The following MTR variants were observed in gnomAD, a reference collection of about 807,000 sequenced individuals.
MTR encodes the protein 5-methyltetrahydrofolate-homocysteine methyltransferase.
MTR carries 84 observed loss-of-function variants against 154.8 expected under a neutral mutation model. The observed-to-expected ratio is 0.54, with a 90% CI of 0.45 to 0.65. The LOEUF (loss-of-function observed/expected upper bound fraction) is 0.65, where lower values mean the gene tolerates loss of function less well. Among genes scored for constraint, MTR ranks in the 30% least tolerant of loss-of-function variants. The pLI, the probability that MTR is intolerant of heterozygous loss-of-function variation, is 0.00. For missense variants in MTR, 1,275 were observed against 1,570.2 expected (o/e 0.81, Z 3.18); for synonymous variants, 554 against 553.9 (o/e 1.00, Z 0.00).
chr1:236,797,721 G>A (rs1297945495), intron 1 of MTR, among the ~76,000 whole-genome samples: 1 of 152,146 alleles, frequency 6.6e-6, no homozygotes, highest in Non-Finnish European at 1.5e-5. Flanking sequence ...CACTTTGGGA[G>A]GCCGAGGCGT....
intron 22 of MTR, among the ~76,000 whole-genome samples, chr1:236,867,450 T>A (rs998934123): frequency 6.6e-6 from 1 of 152,164 alleles, no homozygotes; most frequent in Non-Finnish European, 1.5e-5. Context: ...TCACAAGAAT[T>A]CTGATAGAGA....
At chr1:236,888,659 G>A (rs1184991996) in intron 27 of MTR, among the ~76,000 whole-genome samples, 1 of 152,160 alleles carries the variant, frequency 6.6e-6, no homozygotes, top group Admixed American at 6.5e-5. Context: ...AGTATGTATC[G>A]GAAGTCCCAC....
chr1:236,901,432 A>C lies in MTR; in HGVS notation c.*3788A>C, dbSNP rs184684509. 1.0e-3 allele frequency: 152 copies of C among 151,510 alleles called. No individual in the cohort carries two copies. The highest frequency in any genetic ancestry group is 3.6e-3 in the African/African-American group (147 of 40,820). The allele number at this position is 151,510 out of a possible 1,614,324, so 9.4% of individuals were successfully genotyped here. A position where few individuals can be genotyped will look rare whatever the true frequency, so the allele number is the denominator to read the frequency against. On this transcript the variant is annotated 3_prime_UTR_variant, in exon 33 of 33. Transcript: ENST00000366577. ...AAGTACAGAGGGTTGCAGATAGTGC[A>C]GAAGTCTTTAAAAACAATTATTTTA...
intron 31 of MTR, among the ~76,000 whole-genome samples, chr1:236,896,753 A>G (rs1169207199): frequency 1.1e-4 from 16 of 152,008 alleles, no homozygotes; most frequent in African/African-American, 3.9e-4. Flanking sequence ...TGGAGGTGGG[A>G]GTGTAGAGTC....
chr1:236,805,825 C>G (rs1472786751), intron 2 of MTR, among the ~76,000 whole-genome samples: 1 of 152,156 alleles, frequency 6.6e-6, no homozygotes, highest in Admixed American at 6.5e-5. Context: ...TAGCATATAG[C>G]TACCCTGTGA....
chr1:236,846,334 A>G (rs958028626), intron 15 of MTR, among the ~76,000 whole-genome samples: 1 of 152,198 alleles, frequency 6.6e-6, no homozygotes, highest in Non-Finnish European at 1.5e-5. Context: ...ATGACTTTGT[A>G]TGACAATTTT....
intron 22 of MTR, among the ~76,000 whole-genome samples, chr1:236,865,317 C>T (rs149423410): frequency 6.6e-6 from 1 of 152,314 alleles, no homozygotes; most frequent in African/African-American, 2.4e-5. Context: ...GTCAAACACT[C>T]CTTTGGCTTG....
chr1:236,799,005 A>G (rs1329635556), intron 1 of MTR, among the ~76,000 whole-genome samples: 1 of 152,252 alleles, frequency 6.6e-6, no homozygotes, highest in Non-Finnish European at 1.5e-5. Flanking sequence ...GGCTAAAAAT[A>G]GTGAACACTT....
At chr1:236,889,971 C>T (rs1265975496) in intron 28 of MTR, among the ~76,000 whole-genome samples, 1 of 152,044 alleles carries the variant, frequency 6.6e-6, no homozygotes, top group Admixed American at 6.6e-5. Context: ...ACTACCCCCA[C>T]TTCTCACTTC....
In MTR at chr1:236,812,797, G is replaced by T. The variant is rs1351279070; in HGVS notation, c.562G>T (p.Val188Phe). The T allele has an allele frequency of 5.0e-6, 8 of 1,614,134 alleles. No individual in the cohort carries two copies. Among genetic ancestry groups the T allele is most frequent in the Non-Finnish European group, 6.8e-6 (8 of 1,179,998 alleles). Residue 188 changes from valine to phenylalanine, a missense_variant, in exon 6 of 33, where the codon GTT becomes TTT. Coordinates refer to ENST00000366577, the MANE Select transcript of MTR (RefSeq NM_000254.3). ...GGCCAAAGGACTTCTGGATGGCGGG[G>T]TTGATATCTTACTCATTGAAACTAT... is the stretch of plus-strand genomic sequence containing the variant. Reference protein sequence around the residue: ...EQAKGLLDGGVDILLIETIFD... With the variant: ...EQAKGLLDGGFDILLIETIFD...
rs776861403 is a variant in MTR, at chr1:236,895,328, C to G, written c.3406-30C>G. ...TGATGCTGTGAGCCCCTGCGTCTGC[C>G]TAAGCATGCCTGCTGCTTTGGGTCC... On this transcript the variant is annotated intron_variant, in intron 30 of 32. Transcript: ENST00000366577. 1.7e-5 allele frequency: 26 copies of G among 1,572,340 alleles called. 1 individual carries two copies. In the South Asian group the frequency reaches 2.8e-4, roughly 17 times the overall value.
chr1:236,860,851 A>C (rs1664494392), intron 19 of MTR, among the ~76,000 whole-genome samples: 1 of 152,188 alleles, frequency 6.6e-6, no homozygotes, highest in Admixed American at 6.5e-5. Context: ...TGAGGTATTT[A>C]CTTTGTTTGT....
rs149674499 is a variant in MTR, at chr1:236,810,727, G to A, written c.502+132G>A. ...TACTGTGATTTAATCCATGTAAAAC[G>A]TGTACAGCAGTGCCTGGAATATAGT... is the stretch of plus-strand genomic sequence containing the variant. On this transcript the variant is annotated intron_variant, in intron 5 of 32. Transcript: ENST00000366577. 270 of 729,024 alleles carry A rather than the reference G, an allele frequency of 3.7e-4. 1 individual carries two copies. The African/African-American group carries it at 3.9e-3, about 11-fold the overall frequency. 45.2% of individuals were successfully genotyped at this position (729,024 alleles called of 1,614,324 possible). A position where few individuals can be genotyped will look rare whatever the true frequency, so the allele number is the denominator to read the frequency against.
intron 24 of MTR, among the ~76,000 whole-genome samples, chr1:236,878,618 CA>C (rs1038205002): frequency 6.6e-6 from 1 of 151,040 alleles, no homozygotes; most frequent in Admixed American, 6.6e-5. Context: ...TGAACTGAAA[CA>C]AAAAAAATCT....
intron 15 of MTR, among the ~76,000 whole-genome samples, chr1:236,841,717 T>G (rs1468476382): frequency 6.6e-6 from 1 of 151,884 alleles, no homozygotes; most frequent in Admixed American, 6.6e-5. Context: ...AACATGGCAG[T>G]AAATATTTTT....
chr1:236,835,715 G>A (rs1207540934), intron 14 of MTR, 28 bp downstream of exon 14: 1 of 1,613,336 alleles, frequency 6.2e-7, no homozygotes, highest in South Asian at 1.1e-5. Flanking sequence ...TTTATCAGGG[G>A]GATTTACTTG....
rs779324527 is a variant in MTR, at chr1:236,889,318, T to C, written c.2989T>C (p.Phe997Leu). The change falls in exon 28 of 33, where the codon TTT (phenylalanine) becomes CTT (leucine). Residue 997 changes from phenylalanine to leucine, a missense_variant. Transcript: ENST00000366577. ...CCCGAATCGAGGCTTTCCCAAGATATTTAACGACAAAACAGTAGGTTAGTG... is the reference window on the plus strand; with the variant it reads ...CCCGAATCGAGGCTTTCCCAAGATACTTAACGACAAAACAGTAGGTTAGTG... ...KYPNRGFPKI[F>L]NDKTVGGEAR... is the part of the protein sequence containing the mutation. 8.7e-6 allele frequency: 14 copies of C among 1,614,080 alleles called. No individual in the cohort carries two copies. Among genetic ancestry groups the C allele is most frequent in the Admixed American group, 1.7e-5 (1 of 60,008 alleles).
chr1:236,864,416 TA>T (rs1160140412), intron 22 of MTR, among the ~76,000 whole-genome samples: 4 of 152,182 alleles, frequency 2.6e-5, no homozygotes, highest in African/African-American at 7.2e-5. Flanking sequence ...CAAGGCTCAT[TA>T]AATGCGGCTA....
intron 28 of MTR, among the ~76,000 whole-genome samples, chr1:236,890,145 C>T (rs1170479112): frequency 6.9e-6 from 1 of 144,836 alleles, no homozygotes; most frequent in Non-Finnish European, 1.6e-5. Flanking sequence ...CCAAGTTTCC[C>T]ACGGGGGGGC....
Sources: gnomAD v4.1 joint callset for allele counts (sites outside exome capture counted in the v4.1 genomes callset) on GRCh38, gnomAD v4.1.1 for gene constraint, MANE v1.5 for transcripts, NCBI Gene and HGNC (gene_info 2026-07-23, HGNC 2026-07-21) for gene names.